The following BTF3L4 variants were observed in gnomAD, a reference collection of about 807,000 sequenced individuals.
BTF3L4 encodes the protein transcription factor BTF3 homolog 4.
In BTF3L4, 6 loss-of-function variants were observed where a neutral mutation model predicts 16.8. That is an observed-to-expected ratio of 0.36 (90% confidence interval 0.20 to 0.71). The LOEUF is 0.71. Among genes scored for constraint, BTF3L4 ranks in the 30% least tolerant of loss-of-function variants. The pLI, the probability that BTF3L4 is intolerant of heterozygous loss-of-function variation, is 0.58. For missense variants in BTF3L4, 92 were observed against 186.9 expected, an observed-to-expected ratio of 0.49 and a Z score of 2.96; for synonymous variants, 39 against 59.8, an observed-to-expected ratio of 0.65 and a Z score of 1.60.
chr1:52,070,482 C>A (rs896144381), intron 3 of BTF3L4, among the ~76,000 whole-genome samples: 4 of 148,592 alleles, frequency 2.7e-5, no homozygotes, highest in Non-Finnish European at 4.5e-5. Flanking sequence ...TCGCTTGAAC[C>A]CTGGAGGCAG....
At chr1:52,084,038 A>G (rs1490345581) in intron 4 of BTF3L4, among the ~76,000 whole-genome samples, 2 of 151,966 alleles carry the variant, frequency 1.3e-5, no homozygotes, top group African/African-American at 2.4e-5. Flanking sequence ...AAAAAAAAGA[A>G]TATTCGGAAA....
intron 1 of BTF3L4, among the ~76,000 whole-genome samples, chr1:52,056,967 T>C (rs1356284150): frequency 6.6e-6 from 1 of 152,230 alleles, no homozygotes; most frequent in African/African-American, 2.4e-5. Context: ...TCCCACATTC[T>C]TGCAGTTTAC....
chr1:52,086,299 G>A, intron 5 of BTF3L4, 128 bp downstream of exon 5: 1 of 650,900 alleles, frequency 1.5e-6, no homozygotes, highest in Non-Finnish European at 2.5e-6. Context: ...ACAATAATGT[G>A]GATAGGATCT....
chr1:52,057,654 A>C (rs947259295), intron 1 of BTF3L4, among the ~76,000 whole-genome samples: 2 of 152,198 alleles, frequency 1.3e-5, no homozygotes, highest in African/African-American at 4.8e-5. Context: ...TCTGAGCTTG[A>C]CATCGCATAG....
intron 3 of BTF3L4, among the ~76,000 whole-genome samples, chr1:52,075,776 G>A (rs1686917330): frequency 6.6e-6 from 1 of 151,880 alleles, no homozygotes; most frequent in Non-Finnish European, 1.5e-5. Flanking sequence ...TGATTATCCT[G>A]CCTCAGCCTC....
intron 1 of BTF3L4, among the ~76,000 whole-genome samples, chr1:52,058,242 A>G (rs147904335): frequency 8.5e-4 from 129 of 152,314 alleles, no homozygotes; most frequent in African/African-American, 2.7e-3. Context: ...ACTTCCTCCT[A>G]TAAAAGTGTT....
chr1:52,070,860 T>C (rs1686771772), intron 3 of BTF3L4, among the ~76,000 whole-genome samples: 1 of 151,982 alleles, frequency 6.6e-6, no homozygotes, highest in Non-Finnish European at 1.5e-5. Context: ...CGTCTCAAAC[T>C]CCTGACCTCA....
intron 3 of BTF3L4, among the ~76,000 whole-genome samples, chr1:52,069,008 C>G (rs373950581): frequency 6.6e-5 from 10 of 152,102 alleles, no homozygotes; most frequent in Non-Finnish European, 7.4e-5. Flanking sequence ...ATTGCCACTG[C>G]AATTTTTTTG....
intron 4 of BTF3L4, among the ~76,000 whole-genome samples, chr1:52,085,654 A>G (rs1015171352): frequency 2.6e-5 from 4 of 152,162 alleles, no homozygotes; most frequent in Middle Eastern, 6.8e-3. Flanking sequence ...GTTCGAGACC[A>G]GCCTGGCCAA....
chr1:52,090,654 C>T lies in BTF3L4; in HGVS notation c.*3896C>T, dbSNP rs757607168. ...CGTAGTGCCCAATGTGTAGTTTACT[C>T]AACATCATAATATGTAATGTTTTTC... On this transcript the variant is annotated 3_prime_UTR_variant, in exon 6 of 6. Coordinates refer to ENST00000313334, the MANE Select transcript of BTF3L4 (RefSeq NM_152265.5). 4.0e-5 allele frequency: 6 copies of T among 151,892 alleles called. No homozygotes were observed. Among genetic ancestry groups the T allele is most frequent in the Non-Finnish European group, 8.8e-5 (6 of 67,966 alleles). 9.4% of individuals were successfully genotyped at this position (151,892 alleles called of 1,614,324 possible).
At chr1:52,083,127 A>G (rs1165904482) in intron 3 of BTF3L4, among the ~76,000 whole-genome samples, 4 of 152,100 alleles carry the variant, frequency 2.6e-5, no homozygotes, top group African/African-American at 9.7e-5. Context: ...TGAATTGAAT[A>G]TTTCTTGTCC....
At chr1:52,085,371 T>G (rs540978133) in intron 4 of BTF3L4, among the ~76,000 whole-genome samples, 86 of 151,018 alleles carry the variant, frequency 5.7e-4, no homozygotes, top group Middle Eastern at 6.8e-3. Context: ...TTGTTTGTTT[T>G]TTTGTTTTGT....
intron 4 of BTF3L4, among the ~76,000 whole-genome samples, chr1:52,084,536 A>T (rs567127390): frequency 6.6e-6 from 1 of 152,112 alleles, no homozygotes; most frequent in South Asian, 2.1e-4. Context: ...TCACTCCTGT[A>T]ATACCAGCAC....
At chr1:52,056,978 C>G (rs1686381411) in intron 1 of BTF3L4, among the ~76,000 whole-genome samples, 4 of 152,174 alleles carry the variant, frequency 2.6e-5, no homozygotes. Flanking sequence ...TGCAGTTTAC[C>G]ATAGTTGTCC....
chr1:52,078,216 T>C (rs1686978321), intron 3 of BTF3L4, among the ~76,000 whole-genome samples: 1 of 142,042 alleles, frequency 7.0e-6, no homozygotes, highest in Non-Finnish European at 1.5e-5. Context: ...CCATGCCACC[T>C]GGATTGCTTT....
intron 3 of BTF3L4, among the ~76,000 whole-genome samples, chr1:52,074,956 T>C (rs780040158): frequency 6.6e-6 from 1 of 151,362 alleles, no homozygotes; most frequent in African/African-American, 2.4e-5. Flanking sequence ...GAGGTCTCCC[T>C]ATGTTGCCCA....
intron 3 of BTF3L4, among the ~76,000 whole-genome samples, chr1:52,080,281 T>TA (rs1337101082): frequency 6.6e-6 from 1 of 152,178 alleles, no homozygotes; most frequent in Non-Finnish European, 1.5e-5. Flanking sequence ...CTTAACAAGC[T>TA]ATTTGTCCTT....
At chr1:52,083,820 G>A (rs144814570) in intron 4 of BTF3L4, among the ~76,000 whole-genome samples, 3,092 of 152,170 alleles carry the variant, frequency 0.02, 45 homozygotes, top group Middle Eastern at 0.031. Context: ...AGGAGTTCGA[G>A]ACCAGCCTGA....
chr1:52,090,367 C>T lies in BTF3L4; in HGVS notation c.*3609C>T, dbSNP rs950044452. On this transcript the variant is annotated 3_prime_UTR_variant, in exon 6 of 6. Coordinates refer to ENST00000313334, the MANE Select transcript of BTF3L4 (RefSeq NM_152265.5). The stretch of plus-strand genomic sequence containing the variant: ...TTTCCGAAGCTCATGGTTCTAGGCA[C>T]AGAAAGTCTCCATTCTACACTGCAT... The T allele has an allele frequency of 6.6e-6, 1 of 152,188 alleles. No individual in the cohort carries two copies. The highest frequency in any genetic ancestry group is 2.4e-5 in the African/African-American group (1 of 41,426). The allele number at this position is 152,188 out of a possible 1,614,324, so 9.4% of individuals were successfully genotyped here.
Sources: gnomAD v4.1 joint callset for allele counts (sites outside exome capture counted in the v4.1 genomes callset) on GRCh38, gnomAD v4.1.1 for gene constraint, MANE v1.5 for transcripts, NCBI Gene and HGNC (gene_info 2026-07-23, HGNC 2026-07-21) for gene names.